The following BCKDHB variants were observed in gnomAD, a reference collection of about 807,000 sequenced individuals.
BCKDHB encodes 2-oxoisovalerate dehydrogenase subunit beta, mitochondrial.
A neutral mutation model predicts 48.5 loss-of-function variants in BCKDHB; 41 were observed. That is an observed-to-expected ratio of 0.85 (90% CI 0.66 to 1.10). The LOEUF is 1.10. Among genes scored for constraint, BCKDHB ranks in the 50% least tolerant of loss-of-function variants. The pLI is 0.00. For missense variants in BCKDHB, 496 were observed against 494.2 expected (o/e 1.00, Z -0.03); for synonymous variants, 201 against 174.8 (o/e 1.15, Z -1.18).
chr6:80,315,056 G>C (rs770723436), intron 9 of BCKDHB, among the ~76,000 whole-genome samples: 9 of 152,164 alleles, frequency 5.9e-5, no homozygotes, highest in Non-Finnish European at 1.3e-4. Flanking sequence ...CAGCTGCCTG[G>C]AATTCCAAGC....
chr6:80,176,706 G>A (rs930447155), intron 6 of BCKDHB, among the ~76,000 whole-genome samples: 69 of 152,124 alleles, frequency 4.5e-4, no homozygotes, highest in African/African-American at 1.6e-3. Flanking sequence ...CGGTCTGAAA[G>A]CACTTAAGCA....
chr6:80,201,127 T>G, intron 7 of BCKDHB, 96 bp downstream of exon 7: 1 of 1,030,370 alleles, frequency 9.7e-7, no homozygotes, highest in Non-Finnish European at 1.5e-6. Context: ...CGATGTTTTC[T>G]TTATATCTCA....
At chr6:80,124,954 T>C (rs1770263414) in intron 1 of BCKDHB, among the ~76,000 whole-genome samples, 1 of 152,206 alleles carries the variant, frequency 6.6e-6, no homozygotes, top group African/African-American at 2.4e-5. Flanking sequence ...AATCACCAGC[T>C]ACATTAGCCC....
chr6:80,432,332 T>G, the BCKDHB span, among the ~76,000 whole-genome samples: 1 of 152,216 alleles, frequency 6.6e-6, no homozygotes, highest in Non-Finnish European at 1.5e-5. Context: ...AAATGTAGAT[T>G]TGGTCTTTTC....
the BCKDHB span, among the ~76,000 whole-genome samples, chr6:80,395,429 G>A: frequency 6.6e-6 from 1 of 152,208 alleles, no homozygotes; most frequent in East Asian, 1.9e-4. Flanking sequence ...GTTGGGAACT[G>A]GAGTAAAGAT....
intron 3 of BCKDHB, among the ~76,000 whole-genome samples, chr6:80,138,438 C>G (rs1207614076): frequency 6.6e-6 from 1 of 151,926 alleles, no homozygotes; most frequent in East Asian, 1.9e-4. Context: ...TGCTATTCCT[C>G]CCCCGTCCCC....
At chr6:80,218,973 C>T (rs1034301914) in intron 8 of BCKDHB, among the ~76,000 whole-genome samples, 8 of 151,998 alleles carry the variant, frequency 5.3e-5, no homozygotes, top group Admixed American at 2.0e-4. Context: ...CTTTGGGACC[C>T]TAAAAGGAGA....
chr6:80,295,624 A>G (rs1340227599), intron 9 of BCKDHB, among the ~76,000 whole-genome samples: 1 of 12,216 alleles, frequency 8.2e-5, no homozygotes, highest in Admixed American at 2.6e-3. Context: ...TGTTACCAGA[A>G]AAAAAAAAAA....
intron 3 of BCKDHB, among the ~76,000 whole-genome samples, chr6:80,149,059 G>A (rs1402538560): frequency 1.3e-5 from 2 of 152,126 alleles, no homozygotes; most frequent in South Asian, 2.1e-4. Context: ...GAAAATTTTT[G>A]CAACCTACTC....
intron 1 of BCKDHB, among the ~76,000 whole-genome samples, chr6:80,110,206 C>G (rs1016715705): frequency 2.0e-5 from 3 of 152,084 alleles, no homozygotes; most frequent in African/African-American, 7.2e-5. Context: ...TTCTCCATGC[C>G]CCTGATTCTT....
At chr6:80,134,065 T>G (rs368429729) in intron 3 of BCKDHB, among the ~76,000 whole-genome samples, 11 of 152,192 alleles carry the variant, frequency 7.2e-5, no homozygotes, top group African/African-American at 2.6e-4. Flanking sequence ...GTGTGTGTGT[T>G]ATTAAAATAA....
chr6:80,114,999 C>T (rs1769610545), intron 1 of BCKDHB, among the ~76,000 whole-genome samples: 1 of 152,262 alleles, frequency 6.6e-6, no homozygotes, highest in Admixed American at 6.5e-5. Flanking sequence ...TTCAACTTTA[C>T]AGTTTTGTTC....
the BCKDHB span, among the ~76,000 whole-genome samples, chr6:80,396,445 TG>T: frequency 2.0e-5 from 3 of 152,358 alleles, no homozygotes; most frequent in East Asian, 3.9e-4. Context: ...CTTGGACTTT[TG>T]GGTTAATGTG....
the BCKDHB span, among the ~76,000 whole-genome samples, chr6:80,425,227 ATACCACAGTTTTGGAAAAAAAGACAAC>A: frequency 6.6e-6 from 1 of 152,206 alleles, no homozygotes; most frequent in Non-Finnish European, 1.5e-5. Flanking sequence ...GGTTGTATGT[ATACCACAGTTTTGGAAAAAAAGACAAC>A]TAACATTCCT....
chr6:80,131,975 T>A (rs2127730990), intron 3 of BCKDHB, among the ~76,000 whole-genome samples: 1 of 152,286 alleles, frequency 6.6e-6, no homozygotes, highest in South Asian at 2.1e-4. Flanking sequence ...GGTAGCTACC[T>A]GACCTCATCT....
At chr6:80,359,756 G>A in the BCKDHB span, among the ~76,000 whole-genome samples, 1 of 152,008 alleles carries the variant, frequency 6.6e-6, no homozygotes, top group East Asian at 1.9e-4. Flanking sequence ...CACCACGCCT[G>A]GCTAATTTTT....
At chr6:80,459,181 T>C in the BCKDHB span, among the ~76,000 whole-genome samples, 5,281 of 152,270 alleles carry the variant, frequency 0.035, 320 homozygotes, top group African/African-American at 0.12. Flanking sequence ...TTAGCACTCC[T>C]GTGTTCACTG....
intron 6 of BCKDHB, among the ~76,000 whole-genome samples, chr6:80,182,494 T>C (rs937271650): frequency 6.6e-6 from 1 of 152,224 alleles, no homozygotes; most frequent in Admixed American, 6.5e-5. Context: ...GAGTGATTTA[T>C]TTTTGTTCCT....
the BCKDHB span, among the ~76,000 whole-genome samples, chr6:80,394,379 T>C: frequency 6.6e-6 from 1 of 152,104 alleles, no homozygotes; most frequent in Non-Finnish European, 1.5e-5. Flanking sequence ...TAAAATAGAG[T>C]TCTATTCTTG....
Sources: allele counts gnomAD v4.1 joint callset (sites outside exome capture counted in the v4.1 genomes callset), GRCh38; gene constraint gnomAD v4.1.1; transcripts MANE v1.5; gene names NCBI Gene and HGNC (gene_info 2026-07-23, HGNC 2026-07-21).